Variants in FER observed in about 807,000 individuals in gnomAD.
FER encodes FER tyrosine kinase, also known as tyrosine-protein kinase Fer.
A neutral mutation model predicts 111.0 loss-of-function variants in FER; 63 were observed. That is an observed-to-expected ratio of 0.57 (90% CI 0.46 to 0.70). The LOEUF is 0.70. Ranked by LOEUF, FER falls within the 30% of genes least tolerant of loss-of-function variation. The pLI is 0.00. For missense variants in FER, 914 were observed against 954.0 expected, an observed-to-expected ratio of 0.96 and a Z score of 0.55; for synonymous variants, 327 against 313.9, an observed-to-expected ratio of 1.04 and a Z score of -0.44.
At chr5:108,957,370 A>G (rs1758562393) in intron 12 of FER, among the ~76,000 whole-genome samples, 1 of 151,688 alleles carries the variant, frequency 6.6e-6, no homozygotes, top group African/African-American at 2.4e-5. Context: ...ATCACTGATC[A>G]TCAGAGAAGT....
At chr5:108,829,920 A>T (rs1759862458) in intron 3 of FER, among the ~76,000 whole-genome samples, 1 of 152,190 alleles carries the variant, frequency 6.6e-6, no homozygotes, top group Non-Finnish European at 1.5e-5. Flanking sequence ...AATAGCAAGG[A>T]TTAGACCTAT....
intron 13 of FER, among the ~76,000 whole-genome samples, chr5:109,003,569 A>G (rs150683658): frequency 6.6e-6 from 1 of 152,148 alleles, no homozygotes; most frequent in Non-Finnish European, 1.5e-5. Context: ...ATACATATGT[A>G]ACAAACCTGC....
At chr5:108,797,084 G>C (rs74924214) in intron 2 of FER, among the ~76,000 whole-genome samples, 1,936 of 152,112 alleles carry the variant, frequency 0.013, 36 homozygotes, top group African/African-American at 0.044. Flanking sequence ...AAGTCAGCAG[G>C]TGATGAAGCC....
intron 11 of FER, 106 bp downstream of exon 11, chr5:108,946,328 A>G (rs557857645): frequency 5.0e-5 from 32 of 645,878 alleles, no homozygotes; most frequent in African/African-American, 4.1e-4. Flanking sequence ...ATATATATGT[A>G]TATACATATA....
intron 17 of FER, among the ~76,000 whole-genome samples, chr5:109,145,524 A>G (rs1397121792): frequency 1.3e-5 from 2 of 151,872 alleles, no homozygotes; most frequent in African/African-American, 4.8e-5. Flanking sequence ...AACCCCCGCA[A>G]CTTTTCTCCC....
chr5:108,775,012 T>G (rs1753338254), intron 2 of FER, among the ~76,000 whole-genome samples: 1 of 152,218 alleles, frequency 6.6e-6, no homozygotes, highest in Non-Finnish European at 1.5e-5. Flanking sequence ...CTTCTAGAAT[T>G]TTTATGGTTT....
At chr5:109,051,209 A>G (rs1772747788) in intron 16 of FER, 1 of 764,694 alleles carries the variant, frequency 1.3e-6, no homozygotes, top group Admixed American at 2.1e-5. Context: ...AAGACTGTTG[A>G]ATACCACCTC....
At chr5:109,157,334 A>C (rs1243683341) in intron 17 of FER, among the ~76,000 whole-genome samples, 1 of 151,998 alleles carries the variant, frequency 6.6e-6, no homozygotes, top group African/African-American at 2.4e-5. Context: ...TTAAAATGCA[A>C]TTTACTGCTG....
At chr5:108,993,024 G>A (rs377526225) in intron 13 of FER, among the ~76,000 whole-genome samples, 9 of 150,054 alleles carry the variant, frequency 6.0e-5, no homozygotes, top group Admixed American at 4.0e-4. Context: ...ATGGGATGGC[G>A]GCCGGGCAGA....
intron 2 of FER, among the ~76,000 whole-genome samples, chr5:108,794,526 A>ACCCC (rs138716410): frequency 2.0e-3 from 214 of 106,332 alleles, no homozygotes; most frequent in Non-Finnish European, 2.4e-3. Context: ...CCCCCTCCGC[A>ACCCC]CCCCCCCCCC....
At chr5:108,893,901 G>A (rs1333388075) in intron 9 of FER, among the ~76,000 whole-genome samples, 1 of 151,270 alleles carries the variant, frequency 6.6e-6, no homozygotes, top group Non-Finnish European at 1.5e-5. Flanking sequence ...GTAGGGGGCT[G>A]TATTAGTCTG....
At chr5:108,842,547 A>G (rs1761371575) in intron 5 of FER, 1 of 152,184 alleles carries the variant, frequency 6.6e-6, no homozygotes, top group Admixed American at 6.5e-5. Context: ...AAAAAAACTA[A>G]CAATCTCATC....
chr5:109,071,917 T>A (rs144766083), intron 16 of FER, among the ~76,000 whole-genome samples: 1 of 151,882 alleles, frequency 6.6e-6, no homozygotes, highest in Non-Finnish European at 1.5e-5. Context: ...TGAGGGAATT[T>A]TTCTTCCTGA....
intron 16 of FER, among the ~76,000 whole-genome samples, chr5:109,068,538 T>G (rs1443229952): frequency 6.6e-6 from 1 of 152,190 alleles, no homozygotes; most frequent in Non-Finnish European, 1.5e-5. Context: ...GGATGCAAAA[T>G]GCACTGTAAT....
intron 10 of FER, among the ~76,000 whole-genome samples, chr5:108,943,285 G>T (rs1756523960): frequency 6.6e-6 from 1 of 152,146 alleles, no homozygotes; most frequent in South Asian, 2.1e-4. Context: ...TTTTTGAGAT[G>T]AAAATTTTAT....
chr5:108,793,388 C>G (rs1011982684), intron 2 of FER, among the ~76,000 whole-genome samples: 1 of 152,064 alleles, frequency 6.6e-6, no homozygotes, highest in Non-Finnish European at 1.5e-5. Flanking sequence ...TACCACATCT[C>G]TTTATTCATT....
At chr5:108,786,568 G>C (rs1754742589) in intron 2 of FER, among the ~76,000 whole-genome samples, 1 of 151,974 alleles carries the variant, frequency 6.6e-6, no homozygotes, top group Non-Finnish European at 1.5e-5. Flanking sequence ...TGATGCGAGG[G>C]GGGCTCACTG....
At chr5:108,759,914 G>A (rs1319600878) in intron 1 of FER, among the ~76,000 whole-genome samples, 1 of 152,150 alleles carries the variant, frequency 6.6e-6, no homozygotes, top group East Asian at 1.9e-4. Flanking sequence ...GCAACTGGAA[G>A]AGGGAAAAAG....
At chr5:109,154,533 C>T (rs1323253164) in intron 17 of FER, among the ~76,000 whole-genome samples, 1 of 151,696 alleles carries the variant, frequency 6.6e-6, no homozygotes, top group African/African-American at 2.4e-5. Context: ...TTAAAGAATA[C>T]AGGAAGAAAA....
Sources: gnomAD v4.1 joint callset for allele counts (sites outside exome capture counted in the v4.1 genomes callset) on GRCh38, gnomAD v4.1.1 for gene constraint, MANE v1.5 for transcripts, NCBI Gene and HGNC (gene_info 2026-07-23, HGNC 2026-07-21) for gene names.